Variants in ELAPOR2 observed in about 807,000 individuals in gnomAD.
The protein encoded by ELAPOR2 is endosome/lysosome-associated apoptosis and autophagy regulator family member 2.
A neutral mutation model predicts 120.7 loss-of-function variants in ELAPOR2; 89 were observed. The ratio of observed to expected loss-of-function variants is 0.74; its 90% CI spans 0.62 to 0.88. The LOEUF (loss-of-function observed/expected upper bound fraction) is 0.88. Among genes scored for constraint, ELAPOR2 ranks in the 40% least tolerant of loss-of-function variants. The pLI is 0.00. For synonymous variants in ELAPOR2, 444 were observed against 444.9 expected (o/e 1.00, Z 0.03); for missense variants, 1,134 against 1,251.6 (o/e 0.91, Z 1.42).
At chr7:87,008,949 AGCTATTTCATAAGTG>A (rs894523943) in intron 1 of ELAPOR2, among the ~76,000 whole-genome samples, 21 of 152,214 alleles carry the variant, frequency 1.4e-4, no homozygotes, top group Non-Finnish European at 4.4e-5. Flanking sequence ...CCACAAAAAA[AGCTATTTCATAAGTG>A]GAAAACAATA....
At chr7:87,049,198 CA>C (rs1795033718) in intron 1 of ELAPOR2, among the ~76,000 whole-genome samples, 1 of 152,048 alleles carries the variant, frequency 6.6e-6, no homozygotes, top group African/African-American at 2.4e-5. Context: ...TTAAAATATA[CA>C]TTATTATGGA....
At chr7:86,915,562 C>T (rs567312393) in intron 12 of ELAPOR2, among the ~76,000 whole-genome samples, 2 of 151,714 alleles carry the variant, frequency 1.3e-5, no homozygotes, top group South Asian at 4.2e-4. Context: ...ATAAGTTGAC[C>T]AGATAATGTA....
chr7:87,024,782 C>T (rs1321190148), intron 1 of ELAPOR2, among the ~76,000 whole-genome samples: 1 of 151,976 alleles, frequency 6.6e-6, no homozygotes, highest in African/African-American at 2.4e-5. Context: ...CACCTCTACA[C>T]AAATAAACTA....
At chr7:86,959,660 C>T (rs567728843) in intron 2 of ELAPOR2, among the ~76,000 whole-genome samples, 1 of 152,286 alleles carries the variant, frequency 6.6e-6, no homozygotes, top group Admixed American at 6.5e-5. Context: ...TCTTGAATCC[C>T]AGTGATAAAT....
chr7:86,993,512 C>G (rs184985838), intron 1 of ELAPOR2, among the ~76,000 whole-genome samples: 132 of 152,196 alleles, frequency 8.7e-4, no homozygotes, highest in Non-Finnish European at 1.6e-3. Context: ...AATTAGCCAT[C>G]TAGGTTATTA....
chr7:87,046,808 AT>A (rs768778315), intron 1 of ELAPOR2, among the ~76,000 whole-genome samples: 3 of 152,208 alleles, frequency 2.0e-5, no homozygotes, highest in Admixed American at 1.3e-4. Context: ...CTGTGAGTCA[AT>A]TAAACCTCTT....
At chr7:86,974,842 A>G (rs912003183) in intron 1 of ELAPOR2, among the ~76,000 whole-genome samples, 1 of 152,204 alleles carries the variant, frequency 6.6e-6, no homozygotes, top group South Asian at 2.1e-4. Flanking sequence ...GGGAAAATTC[A>G]AATGGTACCA....
In ELAPOR2 at chr7:86,897,576, G is replaced by A; in HGVS notation, c.2615C>T (p.Ala872Val). 8 of 1,613,400 alleles carry A rather than the reference G, an allele frequency of 5.0e-6. No individual in the cohort carries two copies. The highest frequency in any genetic ancestry group is 6.8e-6 in the Non-Finnish European group (8 of 1,179,550). The change falls in exon 19 of 22, where the codon GCT becomes GTT. Residue 872 changes from alanine (A) to valine (V), a missense_variant. Around this residue, in one of 3 missense-constraint regions of ELAPOR2, gnomAD observed 831 missense variants for 867.6 expected, o/e 0.96. Coordinates refer to ENST00000450689, the MANE Select transcript of ELAPOR2 (RefSeq NM_001142749.3). ...CTCCGTACACAGAGGGCAAGCTTCAGCACTCTCCCACAGGAAATAGAACGT... is the reference window on the plus strand; with the variant it reads ...CTCCGTACACAGAGGGCAAGCTTCAACACTCTCCCACAGGAAATAGAACGT... ...GCTFYFLWES[A>V]EACPLCTEHD...
At chr7:86,908,055 C>A (rs1789114771) in intron 17 of ELAPOR2, among the ~76,000 whole-genome samples, 1 of 151,274 alleles carries the variant, frequency 6.6e-6, no homozygotes, top group East Asian at 1.9e-4. Flanking sequence ...GGAACAAAGA[C>A]CATGTCTACT....
In ELAPOR2 at chr7:86,918,533, GA is replaced by G; in HGVS notation, c.1501del (p.Ser501LeufsTer2). ...TTCAGAACCCGTGGCTCCAGTCATA[GA>G]TGTTGGTGGTCTATTTGACAGATTA... is the stretch of plus-strand genomic sequence containing the variant. ...LHIPGFKPPTSMTGATGSELG... is the reference protein window; with the variant it reads ...LHIPGFKPPTXMTGATGSELG... On this transcript the variant is annotated frameshift_variant, in exon 12 of 22. Transcript: ENST00000450689. LOFTEE classifies it high-confidence loss of function. 1.2e-6 allele frequency: 2 copies of G among 1,603,844 alleles called. No individual in the cohort carries two copies. The highest frequency in any genetic ancestry group is 1.7e-6 in the Non-Finnish European group (2 of 1,170,972).
At chr7:86,997,140 T>A (rs1272375899) in intron 1 of ELAPOR2, among the ~76,000 whole-genome samples, 1 of 152,242 alleles carries the variant, frequency 6.6e-6, no homozygotes, top group East Asian at 1.9e-4. Flanking sequence ...ATTTTTTGCA[T>A]GTTTCATGCT....
At chr7:86,886,547 T>G (rs1169314670) in intron 21 of ELAPOR2, among the ~76,000 whole-genome samples, 1 of 152,138 alleles carries the variant, frequency 6.6e-6, no homozygotes, top group Non-Finnish European at 1.5e-5. Context: ...GCTATAGCCA[T>G]TAGTTGGTCA....
intron 1 of ELAPOR2, among the ~76,000 whole-genome samples, chr7:87,052,276 G>A (rs1795130131): frequency 6.6e-6 from 1 of 152,204 alleles, no homozygotes; most frequent in Non-Finnish European, 1.5e-5. Flanking sequence ...TGTGGAAGGT[G>A]AAAGGCACAT....
Position 86,897,608 on chromosome 7 carries a change from A to G in ELAPOR2, c.2583T>C (p.Asp861=), listed in dbSNP as rs543912438. The change falls in exon 19 of 22, where the codon GAT becomes GAC. Residue 861 remains aspartate, a synonymous_variant. Transcript: ENST00000450689. The part of the protein sequence containing the change: ...VPSKCPAGTC[D]GCTFYFLWES... ...CCCACAGGAAATAGAACGTACACCCATCACAGGTACCTGCTGGGCACTTGC... is the reference window on the plus strand; with the variant it reads ...CCCACAGGAAATAGAACGTACACCCGTCACAGGTACCTGCTGGGCACTTGC... 1.8e-5 allele frequency: 29 copies of G among 1,613,332 alleles called. 1 individual carries two copies. The South Asian group carries it at 2.5e-4, about 14-fold the overall frequency.
intron 1 of ELAPOR2, among the ~76,000 whole-genome samples, chr7:87,040,845 A>C (rs2129015526): frequency 6.6e-6 from 1 of 152,280 alleles, no homozygotes; most frequent in South Asian, 2.1e-4. Flanking sequence ...AACCAAAGGC[A>C]AAGAAGTTGA....
At chr7:87,036,142 T>C (rs920573763) in intron 1 of ELAPOR2, among the ~76,000 whole-genome samples, 2 of 152,200 alleles carry the variant, frequency 1.3e-5, no homozygotes, top group South Asian at 4.1e-4. Context: ...ATTCATCATA[T>C]ACTATGCATT....
At chr7:87,055,516 T>G (rs1339218602) in intron 1 of ELAPOR2, among the ~76,000 whole-genome samples, 1 of 152,188 alleles carries the variant, frequency 6.6e-6, no homozygotes, top group African/African-American at 2.4e-5. Context: ...AATACAATGC[T>G]GTTTCATGTT....
At position 86,878,548 on chromosome 7, in the gene ELAPOR2, TATTGA is replaced by T. The variant is rs758305937; in HGVS notation, c.*1918_*1922del. On this transcript the variant is annotated 3_prime_UTR_variant, in exon 22 of 22. Coordinates refer to ENST00000450689, the MANE Select transcript of ELAPOR2 (RefSeq NM_001142749.3). The stretch of plus-strand genomic sequence containing the variant: ...TTATCTCTATGGCTTGGAACATACA[TATTGA>T]ACACAGTGGAAGATGAGGAGAAAGG... 3 of 152,150 alleles carry T rather than the reference TATTGA, an allele frequency of 2.0e-5. No homozygotes were observed. Among genetic ancestry groups the T allele is most frequent in the Non-Finnish European group, 2.9e-5 (2 of 68,028 alleles). The allele number at this position is 152,150 out of a possible 1,614,324, so 9.4% of individuals were successfully genotyped here.
intron 1 of ELAPOR2, among the ~76,000 whole-genome samples, chr7:87,027,127 T>C (rs1430832600): frequency 1.3e-5 from 2 of 152,132 alleles, no homozygotes; most frequent in Non-Finnish European, 2.9e-5. Flanking sequence ...AGGGAGATGG[T>C]ACATATATTT....
Sources: allele counts gnomAD v4.1 joint callset (sites outside exome capture counted in the v4.1 genomes callset), GRCh38; gene constraint gnomAD v4.1.1; regional missense constraint gnomAD v4.1.1; transcripts MANE v1.5; gene names NCBI Gene and HGNC (gene_info 2026-07-23, HGNC 2026-07-21).